RNLS: variants seen among roughly 807,000 people sequenced by gnomAD.
The protein encoded by RNLS is renalase, FAD dependent amine oxidase.
A neutral mutation model predicts 39.8 loss-of-function variants in RNLS; 39 were observed. The ratio of observed to expected loss-of-function variants is 0.98; its 90% confidence interval spans 0.76 to 1.28. The LOEUF (loss-of-function observed/expected upper bound fraction) is 1.28, where lower values mean the gene tolerates loss of function less well. Ranked by LOEUF, RNLS falls within the 50% of genes most tolerant of loss-of-function variation. The pLI, the probability that RNLS is intolerant of heterozygous loss-of-function variation, is 0.00. For missense variants in RNLS, 410 were observed against 413.3 expected (o/e 0.99, Z 0.07); for synonymous variants, 147 against 150.7 (o/e 0.98, Z 0.18).
At chr10:88,237,289 C>T in the RNLS span, among the ~76,000 whole-genome samples, 1 of 121,356 alleles carries the variant, frequency 8.2e-6, no homozygotes, top group South Asian at 3.0e-4. Flanking sequence ...CATCCTTTTC[C>T]TTCCTCCCTC....
chr10:88,382,958 A>G (rs916631516), intron 4 of RNLS, among the ~76,000 whole-genome samples: 1 of 152,126 alleles, frequency 6.6e-6, no homozygotes, highest in African/African-American at 2.4e-5. Flanking sequence ...TAAAGCAGAA[A>G]AAGGGTTTAA....
intron 4 of RNLS, among the ~76,000 whole-genome samples, chr10:88,455,126 A>G (rs1400907868): frequency 6.6e-6 from 1 of 152,214 alleles, no homozygotes; most frequent in Non-Finnish European, 1.5e-5. Context: ...CTGTGAGAGT[A>G]GTATGTACTA....
intron 4 of RNLS, among the ~76,000 whole-genome samples, chr10:88,508,996 A>C (rs1845943289): frequency 6.9e-6 from 1 of 144,706 alleles, no homozygotes; most frequent in Non-Finnish European, 1.5e-5. Context: ...TTGGCAAGAC[A>C]TTCACTTTTG....
the RNLS span, among the ~76,000 whole-genome samples, chr10:88,242,599 C>T: frequency 1.3e-5 from 2 of 152,002 alleles, no homozygotes; most frequent in East Asian, 1.9e-4. Flanking sequence ...CAACCAACCT[C>T]GATATGAATT....
At chr10:88,423,315 A>G (rs1272810152) in intron 4 of RNLS, among the ~76,000 whole-genome samples, 1 of 152,136 alleles carries the variant, frequency 6.6e-6, no homozygotes, top group Non-Finnish European at 1.5e-5. Context: ...CATTTTCCAT[A>G]TCTCTTATAT....
intron 5 of RNLS, among the ~76,000 whole-genome samples, chr10:88,362,224 C>T (rs574244738): frequency 6.6e-6 from 1 of 151,974 alleles, no homozygotes; most frequent in Non-Finnish European, 1.5e-5. Context: ...AAACAAACTT[C>T]ACCAAGAAAC....
chr10:88,216,529 C>T, the RNLS span, among the ~76,000 whole-genome samples: 1 of 152,138 alleles, frequency 6.6e-6, no homozygotes, highest in Non-Finnish European at 1.5e-5. Context: ...AATCTCTTTT[C>T]CAATAGGTCT....
intron 4 of RNLS, among the ~76,000 whole-genome samples, chr10:88,421,735 C>A (rs967921465): frequency 1.3e-5 from 2 of 152,174 alleles, no homozygotes; most frequent in Non-Finnish European, 2.9e-5. Context: ...AATTTTATAT[C>A]ATGGCATTTA....
At chr10:88,424,304 C>T (rs1464286431) in intron 4 of RNLS, among the ~76,000 whole-genome samples, 2 of 152,036 alleles carry the variant, frequency 1.3e-5, no homozygotes, top group African/African-American at 4.8e-5. Context: ...AATATCAGTT[C>T]TTTTTGACAC....
the RNLS span, among the ~76,000 whole-genome samples, chr10:88,207,560 C>G: frequency 2.1e-4 from 32 of 152,252 alleles, 1 homozygote; most frequent in Non-Finnish European, 1.5e-5. Flanking sequence ...GCAAATGGGA[C>G]TCTCACACAT....
At chr10:88,500,308 C>T (rs572644750) in intron 4 of RNLS, among the ~76,000 whole-genome samples, 69 of 152,266 alleles carry the variant, frequency 4.5e-4, no homozygotes, top group Non-Finnish European at 2.2e-4. Context: ...CCATATGACT[C>T]ATTTAGAACA....
chr10:88,397,308 TAGAC>T (rs1352945992), intron 4 of RNLS, among the ~76,000 whole-genome samples: 2 of 151,732 alleles, frequency 1.3e-5, no homozygotes, highest in Non-Finnish European at 1.5e-5. Context: ...AAACCAATAA[TAGAC>T]AGAAACATAG....
chr10:88,457,484 T>C (rs1349488106), intron 4 of RNLS, among the ~76,000 whole-genome samples: 2 of 152,190 alleles, frequency 1.3e-5, no homozygotes, highest in Non-Finnish European at 2.9e-5. Flanking sequence ...CATAATAAAC[T>C]CAATACAGCC....
At chr10:88,496,066 G>C (rs966377729) in intron 4 of RNLS, among the ~76,000 whole-genome samples, 2 of 152,100 alleles carry the variant, frequency 1.3e-5, no homozygotes, top group African/African-American at 2.4e-5. Context: ...AGAAGGCAAA[G>C]GGGACAGAAG....
chr10:88,519,076 T>C (rs987540223), intron 4 of RNLS, among the ~76,000 whole-genome samples: 2 of 152,088 alleles, frequency 1.3e-5, no homozygotes, highest in Non-Finnish European at 2.9e-5. Flanking sequence ...AAAAAGCATC[T>C]GAGTCCTACA....
intron 4 of RNLS, among the ~76,000 whole-genome samples, chr10:88,455,936 C>G (rs1279005511): frequency 1.3e-5 from 2 of 152,176 alleles, no homozygotes; most frequent in Admixed American, 1.3e-4. Context: ...TTAAAAGCCT[C>G]CCAAGAGGAC....
the RNLS span, among the ~76,000 whole-genome samples, chr10:88,176,258 T>C: frequency 6.6e-6 from 1 of 151,988 alleles, no homozygotes; most frequent in African/African-American, 2.4e-5. Flanking sequence ...CACTGCAACC[T>C]CTGCCTCCCA....
intron 4 of RNLS, among the ~76,000 whole-genome samples, chr10:88,431,955 T>A (rs1855155392): frequency 6.6e-6 from 1 of 151,792 alleles, no homozygotes. Flanking sequence ...TTGAGTGAAA[T>A]GTTCTATAAA....
chr10:88,362,525 T>C lies in RNLS; in HGVS notation c.700+27A>G, dbSNP rs183421499. ...ATCTACACCCACCATTGTTGCTGTA[T>C]TTAAGGGAAATAATAGGGGTACTGA... On this transcript the variant is annotated intron_variant, in intron 5 of 6. Transcript: ENST00000331772. The C allele has an allele frequency of 1.6e-5, 26 of 1,604,346 alleles. No homozygotes were observed. In the Admixed American group the frequency reaches 3.2e-4, roughly 20 times the overall value.
Sources: allele counts gnomAD v4.1 joint callset (sites outside exome capture counted in the v4.1 genomes callset), GRCh38; gene constraint gnomAD v4.1.1; transcripts MANE v1.5; gene names NCBI Gene and HGNC (gene_info 2026-07-23, HGNC 2026-07-21).